The following BRF1 variants were observed in gnomAD, a reference collection of about 807,000 sequenced individuals.
BRF1 encodes the protein BRF1 general transcription factor IIIB subunit.
A neutral mutation model predicts 81.7 loss-of-function variants in BRF1; 59 were observed. The observed-to-expected ratio is 0.72, with a 90% CI of 0.59 to 0.90. The LOEUF (loss-of-function observed/expected upper bound fraction) is 0.90. Among genes scored for constraint, BRF1 ranks in the 40% least tolerant of loss-of-function variants. The pLI is 0.00. For missense variants in BRF1, 1,050 were observed against 936.3 expected (o/e 1.12, Z -1.58); for synonymous variants, 491 against 395.6 (o/e 1.24, Z -2.86).
intron 5 of BRF1, chr14:105,248,085 C>T: frequency 2.0e-6 from 2 of 985,512 alleles, no homozygotes; most frequent in Non-Finnish European, 2.4e-6. Flanking sequence ...CTCTCTGTGC[C>T]TATTTCCTCG....
At chr14:105,279,530 A>G (rs1158109827) in intron 2 of BRF1, among the ~76,000 whole-genome samples, 3 of 125,922 alleles carry the variant, frequency 2.4e-5, no homozygotes, top group Admixed American at 9.4e-5. Context: ...CAGAAAGACT[A>G]CAACTGGAAA....
At chr14:105,212,345 A>G (rs1181530220) in intron 15 of BRF1, 181 bp from the exon 16 acceptor site, 2 of 717,872 alleles carry the variant, frequency 2.8e-6, no homozygotes, top group Admixed American at 5.6e-5. Flanking sequence ...ATCAACACAG[A>G]GCTCTGACCC....
chr14:105,288,174 T>C (rs987171346), intron 1 of BRF1, among the ~76,000 whole-genome samples: 1 of 152,158 alleles, frequency 6.6e-6, no homozygotes, highest in Non-Finnish European at 1.5e-5. Context: ...CTGTAGAAGG[T>C]CCGGGCGCGG....
At chr14:105,306,857 T>C (rs1277616031) in intron 1 of BRF1, among the ~76,000 whole-genome samples, 1 of 151,264 alleles carries the variant, frequency 6.6e-6, no homozygotes, top group Non-Finnish European at 1.5e-5. Flanking sequence ...CCATCTGCCT[T>C]GGCCTCCCAA....
chr14:105,218,865 G>A, intron 14 of BRF1, 133 bp downstream of exon 14: 1 of 1,305,780 alleles, frequency 7.7e-7, no homozygotes, highest in Non-Finnish European at 1.1e-6. Context: ...GGGGTCCAGA[G>A]CACATGGCCT....
rs757164420 is a variant in BRF1 at position 105,241,356 on chromosome 14, G to A, written c.603C>T (p.His201=). Residue 201 remains histidine (H), a synonymous_variant, in exon 6 of 18, where the codon CAC becomes CAT. Coordinates refer to ENST00000547530, the MANE Select transcript of BRF1 (RefSeq NM_001519.4). ...AHLLEFGEKN[H]EVSMTALRLL... The stretch of plus-strand genomic sequence containing the variant: ...GCCTCAGGGCAGTCATGGACACCTC[G>A]TGGTTCTTCTCCCCGAATTCCAGCA... 15 of 1,612,662 alleles carry A rather than the reference G, an allele frequency of 9.3e-6. No individual in the cohort carries two copies. The East Asian group carries it at 2.5e-4, about 26-fold the overall frequency.
In BRF1 at chr14:105,220,038, G is replaced by C. The variant is rs771021151; in HGVS notation, c.1377+31C>G. The C allele has an allele frequency of 5.0e-6, 8 of 1,608,982 alleles. No individual in the cohort carries two copies. The South Asian group carries it at 8.8e-5, about 18-fold the overall frequency. The stretch of plus-strand genomic sequence containing the variant: ...GGGCTGCAGCGCCCTCCCAAGCCCA[G>C]CCCCTCTTGGGAAGGGGTGCTGCCA... On this transcript the variant is annotated intron_variant, in intron 12 of 17. Coordinates refer to ENST00000547530, the MANE Select transcript of BRF1 (RefSeq NM_001519.4).
chr14:105,229,253 G>C (rs587750944), intron 6 of BRF1, among the ~76,000 whole-genome samples: 1 of 152,234 alleles, frequency 6.6e-6, no homozygotes, highest in Admixed American at 6.5e-5. Context: ...GGACTCTGAG[G>C]ATGCGGAGCC....
At chr14:105,251,779 AG>A (rs941060588) in intron 5 of BRF1, among the ~76,000 whole-genome samples, 31 of 152,062 alleles carry the variant, frequency 2.0e-4, no homozygotes, top group African/African-American at 7.5e-4. Flanking sequence ...TGGTAAAGAA[AG>A]GGTAGGTCAG....
At chr14:105,213,700 C>A (rs1595237333) in intron 15 of BRF1, among the ~76,000 whole-genome samples, 1 of 152,130 alleles carries the variant, frequency 6.6e-6, no homozygotes, top group East Asian at 1.9e-4. Context: ...GACCCAAGGT[C>A]CTGACAGACA....
At chr14:105,213,930 C>T (rs781118239) in intron 15 of BRF1, among the ~76,000 whole-genome samples, 1 of 152,218 alleles carries the variant, frequency 6.6e-6, no homozygotes, top group Non-Finnish European at 1.5e-5. Flanking sequence ...GGCAGCCAGG[C>T]CACACGGGAG....
chr14:105,228,714 G>A (rs887679836), intron 7 of BRF1, 106 bp downstream of exon 7: 51 of 1,300,198 alleles, frequency 3.9e-5, no homozygotes, highest in Non-Finnish European at 5.1e-5. Context: ...CAGCCAGGCG[G>A]GGGACGGCAG....
chr14:105,279,998 A>G (rs2057003190), intron 2 of BRF1, among the ~76,000 whole-genome samples: 1 of 152,214 alleles, frequency 6.6e-6, no homozygotes, highest in Non-Finnish European at 1.5e-5. Flanking sequence ...GGAGCACAAA[A>G]TGGCTCAGGT....
intron 3 of BRF1, among the ~76,000 whole-genome samples, 198 bp downstream of exon 3, chr14:105,272,523 C>T (rs933089433): frequency 5.3e-5 from 8 of 152,274 alleles, no homozygotes; most frequent in African/African-American, 1.4e-4. Context: ...AGGTGCCCAG[C>T]TCCCCAGTTC....
rs1222843947 is a variant in BRF1, at chr14:105,209,984, C to A, written c.*567G>T. The A allele has an allele frequency of 7.0e-6, 2 of 286,322 alleles. No homozygotes were observed. The highest frequency in any genetic ancestry group is 1.3e-5 in the Non-Finnish European group (2 of 153,782). 17.7% of individuals were successfully genotyped at this position (286,322 alleles called of 1,614,324 possible). On this transcript the variant is annotated 3_prime_UTR_variant, in exon 18 of 18. Transcript: ENST00000547530. Reference sequence around the variant, plus strand: ...CAGGTATCTGGATGCAGGGCCACAGCTGGAGGCAGAGGACCTTCAAGGAGC... The same window carrying A: ...CAGGTATCTGGATGCAGGGCCACAGATGGAGGCAGAGGACCTTCAAGGAGC...
chr14:105,283,908 G>A (rs2057214500), intron 2 of BRF1, among the ~76,000 whole-genome samples: 2 of 152,354 alleles, frequency 1.3e-5, no homozygotes, highest in South Asian at 4.1e-4. Context: ...GAGGTCAGGA[G>A]GGCCCCTGGG....
intron 5 of BRF1, among the ~76,000 whole-genome samples, chr14:105,244,560 A>G (rs587674911): frequency 6.6e-6 from 1 of 152,246 alleles, no homozygotes; most frequent in African/African-American, 2.4e-5. Flanking sequence ...GGAGTGGCAG[A>G]GCGGCACGGG....
chr14:105,263,455 G>A (rs3000073), intron 3 of BRF1, among the ~76,000 whole-genome samples: 42,829 of 151,788 alleles, frequency 0.28, 6,253 homozygotes, highest in Middle Eastern at 0.31. Context: ...GCTGAGGCCC[G>A]CCAAGCCCAG....
intron 6 of BRF1, among the ~76,000 whole-genome samples, chr14:105,240,934 C>G (rs1445569908): frequency 1.3e-5 from 2 of 152,238 alleles, no homozygotes; most frequent in East Asian, 1.9e-4. Context: ...AGAGGCCACA[C>G]CACTGTCCGC....
Sources: allele counts gnomAD v4.1 joint callset (sites outside exome capture counted in the v4.1 genomes callset), GRCh38; gene constraint gnomAD v4.1.1; transcripts MANE v1.5; gene names NCBI Gene and HGNC (gene_info 2026-07-23, HGNC 2026-07-21).